Variants in TMEM121 observed in about 807,000 individuals in gnomAD.
The protein encoded by TMEM121 is transmembrane protein 121, also known as transmembrane protein 121A.
Under a neutral mutation model 16.4 loss-of-function variants are expected in TMEM121, and 8 were observed. The observed-to-expected ratio is 0.49, with a 90% CI of 0.29 to 0.88. The LOEUF is 0.88. TMEM121 is among the 40% of genes least tolerant of loss of function. TMEM121 has a pLI of 0.09. For synonymous variants in TMEM121, 235 were observed against 226.2 expected (o/e 1.04, Z -0.35); for missense variants, 401 against 462.0 (o/e 0.87, Z 1.21).
In TMEM121 at chr14:105,529,040, C is replaced by A; in HGVS notation, c.206C>A (p.Thr69Lys). The A allele has an allele frequency of 6.2e-7, 1 of 1,612,304 alleles. No individual in the cohort carries two copies. Among genetic ancestry groups the A allele is most frequent in the Middle Eastern group, 1.7e-4 (1 of 6,060 alleles). Residue 69 changes from threonine to lysine, a missense_variant, in exon 2 of 2, where the codon ACG (threonine) becomes AAG (lysine). Physicochemically the swap from Thr to Lys is moderately conservative, Grantham distance 78. Transcript: ENST00000392519. ...GTGTGGGTGGGCGCCGAGGTGCGCA[C>A]GGCCAAGCGCGGCTACGCCATGATC... is the stretch of plus-strand genomic sequence containing the variant. ...VAVWVGAEVR[T>K]AKRGYAMILW...
chr14:105,529,871 G>T lies in TMEM121; in HGVS notation c.*77G>T. On this transcript the variant is annotated 3_prime_UTR_variant, in exon 2 of 2. Transcript: ENST00000392519. ...GGCTTGGGGCGCGCGGTTTGCATGG[G>T]ATGGGGTGGGGGCGGGCTCCCCTAG... 7.7e-6 allele frequency: 10 copies of T among 1,298,376 alleles called. No homozygotes were observed. The highest frequency in any genetic ancestry group is 1.0e-5 in the Non-Finnish European group (10 of 1,002,924). 80.4% of individuals were successfully genotyped at this position (1,298,376 alleles called of 1,614,324 possible). A position where few individuals can be genotyped will look rare whatever the true frequency, so the allele number is the denominator to read the frequency against.
intron 1 of TMEM121, among the ~76,000 whole-genome samples, chr14:105,527,816 G>C (rs2084601316): frequency 6.6e-6 from 1 of 151,944 alleles, no homozygotes; most frequent in Non-Finnish European, 1.5e-5. Context: ...GCGGGTGTGC[G>C]GGCCTCCATT....
chr14:105,529,048 C>T lies in TMEM121; in HGVS notation c.214C>T (p.Arg72Cys). The T allele has an allele frequency of 1.9e-6, 3 of 1,612,376 alleles. No homozygotes were observed. Among genetic ancestry groups the T allele is most frequent in the Non-Finnish European group, 2.5e-6 (3 of 1,179,774 alleles). Residue 72 changes from arginine (R) to cysteine (C), a missense_variant, in exon 2 of 2, where the codon CGC becomes TGC. Coordinates refer to ENST00000392519, the MANE Select transcript of TMEM121 (RefSeq NM_025268.4). ...GGGCGCCGAGGTGCGCACGGCCAAG[C>T]GCGGCTACGCCATGATCCTGTGGTT... ...WVGAEVRTAK[R>C]GYAMILWFLY...
Position 105,526,841 on chromosome 14 carries a change from G to A in TMEM121, c.-114+188G>A, listed in dbSNP as rs1251329365. Among the ~76,000 whole-genome samples the A allele has an allele frequency of 1.3e-5, 2 of 151,906 alleles. No individual in the cohort carries two copies. The highest frequency in any genetic ancestry group is 2.9e-5 in the Non-Finnish European group (2 of 67,882). ...CGGCCCTGCGTGGGGAAGCCTCGGG[G>A]GGACAAGCAGAGACGCAGCCTGCTG... On this transcript the variant is annotated intron_variant, in intron 1 of 1. Coordinates refer to ENST00000392519, the MANE Select transcript of TMEM121 (RefSeq NM_025268.4). The surrounding 1 kb of genome is among the most constrained non-coding windows in gnomAD (Gnocchi z 6.8).
Position 105,529,764 on chromosome 14 carries a change from C to G in TMEM121, c.930C>G (p.Ser310=). The G allele has an allele frequency of 6.7e-7, 1 of 1,488,792 alleles. No individual in the cohort carries two copies. Among genetic ancestry groups the G allele is most frequent in the Non-Finnish European group, 8.9e-7 (1 of 1,129,524 alleles). The allele number at this position is 1,488,792 out of a possible 1,614,324, so 92.2% of individuals were successfully genotyped here. Residue 310 remains serine, a synonymous_variant, in exon 2 of 2, where the codon TCC becomes TCG. Transcript: ENST00000392519. ...GCCCGCCTGGGCGCCCCCACATGTC[C>G]TCGCCCACGCGTGACCCCCTGGACA... The part of the protein sequence containing the change: ...LHGPPGRPHM[S]SPTRDPLDT
chr14:105,529,729 C>T lies in TMEM121; in HGVS notation c.895C>T (p.Pro299Ser), dbSNP rs1198883472. 5.3e-6 allele frequency: 8 copies of T among 1,522,436 alleles called. No homozygotes were observed. Among genetic ancestry groups the T allele is most frequent in the Non-Finnish European group, 5.3e-6 (6 of 1,141,448 alleles). 94.3% of individuals were successfully genotyped at this position (1,522,436 alleles called of 1,614,324 possible). A position where few individuals can be genotyped will look rare whatever the true frequency, so the allele number is the denominator to read the frequency against. Residue 299 changes from proline (P) to serine (S), a missense_variant, in exon 2 of 2, where the codon CCG becomes TCG. Coordinates refer to ENST00000392519, the MANE Select transcript of TMEM121 (RefSeq NM_025268.4). ...QRNSVPPPPP[P>S]LHGPPGRPHM... Reference sequence around the variant, plus strand: ...CAACTCGGTGCCGCCGCCGCCGCCGCCGCTGCACGGCCCGCCTGGGCGCCC... The same window carrying T: ...CAACTCGGTGCCGCCGCCGCCGCCGTCGCTGCACGGCCCGCCTGGGCGCCC...
Position 105,526,656 on chromosome 14 carries a change from A to AGGCGCG in TMEM121, c.-114+14_-114+19dup, listed in dbSNP as rs1365191671. On this transcript the variant is annotated splice_donor_region_variant and intron_variant, in intron 1 of 1. Transcript: ENST00000392519. The surrounding 1 kb of genome is among the most constrained non-coding windows in gnomAD (Gnocchi z 6.8). ...GCGCAGCATCTGCGGGCGGCGGGGT[A>AGGCGCG]GGCGCGGGCGCGGGCGGGACTGGCT... is the stretch of plus-strand genomic sequence containing the variant. 1 of 124,572 alleles carries AGGCGCG rather than the reference A, an allele frequency of 8.0e-6. No homozygotes were observed. Among genetic ancestry groups the AGGCGCG allele is most frequent in the South Asian group, 2.2e-4 (1 of 4,488 alleles). The allele number at this position is 124,572 out of a possible 1,614,324, so 7.7% of individuals were successfully genotyped here. A position where few individuals can be genotyped will look rare whatever the true frequency, so the allele number is the denominator to read the frequency against.
intron 1 of TMEM121, 27 bp from the exon 2 acceptor site, chr14:105,528,695 T>A: frequency 8.3e-6 from 7 of 842,526 alleles, no homozygotes; most frequent in East Asian, 1.2e-4. Flanking sequence ...GCCCGCACCC[T>A]GATCTTGTCT....
At position 105,530,091 on chromosome 14, in the gene TMEM121, G is replaced by A. The variant is rs2084632177; in HGVS notation, c.*297G>A. On this transcript the variant is annotated 3_prime_UTR_variant, in exon 2 of 2. Transcript: ENST00000392519. Reference sequence around the variant, plus strand: ...CTGGGCCGCCCGGGTTGGAAGGGAGGGCAGTGTGGGCGGAGATCTGCTCCT... The same window carrying A: ...CTGGGCCGCCCGGGTTGGAAGGGAGAGCAGTGTGGGCGGAGATCTGCTCCT... 2 of 396,464 alleles carry A rather than the reference G, an allele frequency of 5.0e-6. No individual in the cohort carries two copies. The highest frequency in any genetic ancestry group is 9.1e-6 in the Non-Finnish European group (2 of 219,202). The allele number at this position is 396,464 out of a possible 1,614,324, so 24.6% of individuals were successfully genotyped here. A position where few individuals can be genotyped will look rare whatever the true frequency, so the allele number is the denominator to read the frequency against.
Position 105,530,166 on chromosome 14 carries a change from T to C in TMEM121, c.*372T>C. On this transcript the variant is annotated 3_prime_UTR_variant, in exon 2 of 2. Coordinates refer to ENST00000392519, the MANE Select transcript of TMEM121 (RefSeq NM_025268.4). ...TTGGGGCCAAGGAGGCCTCTGTCAT[T>C]TTAAAGACTCGTGTTTACAGTTTTG... The C allele has an allele frequency of 3.9e-6, 1 of 255,268 alleles. No homozygotes were observed. Among genetic ancestry groups the C allele is most frequent in the Non-Finnish European group, 7.4e-6 (1 of 134,450 alleles). The allele number at this position is 255,268 out of a possible 1,614,324, so 15.8% of individuals were successfully genotyped here. A position where few individuals can be genotyped will look rare whatever the true frequency, so the allele number is the denominator to read the frequency against.
rs1299522418 is a variant in TMEM121 at position 105,526,630 on chromosome 14, G to A, written c.-137G>A. 1 of 147,934 alleles carries A rather than the reference G, an allele frequency of 6.8e-6. No individual in the cohort carries two copies. The highest frequency in any genetic ancestry group is 1.5e-5 in the Non-Finnish European group (1 of 66,046). The allele number at this position is 147,934 out of a possible 1,614,324, so 9.2% of individuals were successfully genotyped here. A position where few individuals can be genotyped will look rare whatever the true frequency, so the allele number is the denominator to read the frequency against. On this transcript the variant is annotated 5_prime_UTR_variant, in exon 1 of 2. Coordinates refer to ENST00000392519, the MANE Select transcript of TMEM121 (RefSeq NM_025268.4). The surrounding 1 kb of genome is among the most constrained non-coding windows in gnomAD (Gnocchi z 6.8). The stretch of plus-strand genomic sequence containing the variant: ...AGGCTGGGCGGGCGGGCCCGGGAGC[G>A]GCGCAGCATCTGCGGGCGGCGGGGT...
At position 105,529,114 on chromosome 14, in the gene TMEM121, T is replaced by C. The variant is rs2084615028; in HGVS notation, c.280T>C (p.Phe94Leu). The change falls in exon 2 of 2, where the codon TTC becomes CTC. Residue 94 changes from phenylalanine (F) to leucine (L), a missense_variant. Phe to Leu is a conservative substitution (Grantham distance 22). Coordinates refer to ENST00000392519, the MANE Select transcript of TMEM121 (RefSeq NM_025268.4). ...GCTGGAGATCAAGCTCTACTTCATC[T>C]TCCAGAACTACAAGGCGGCGCGGCG... ...FVLEIKLYFI[F>L]QNYKAARRGA... is the part of the protein sequence containing the mutation. 1 of 1,610,830 alleles carries C rather than the reference T, an allele frequency of 6.2e-7. No individual in the cohort carries two copies. Among genetic ancestry groups the C allele is most frequent in the South Asian group, 1.1e-5 (1 of 91,034 alleles).
At chr14:105,528,090 C>T (rs2084603587) in intron 1 of TMEM121, among the ~76,000 whole-genome samples, 1 of 151,680 alleles carries the variant, frequency 6.6e-6, no homozygotes, top group African/African-American at 2.4e-5. Flanking sequence ...GCAGTGGCCA[C>T]GCGCCCAGGA....
rs1555444314 is a variant in TMEM121 at position 105,529,636 on chromosome 14, C to T, written c.802C>T (p.Arg268Cys). 5 of 1,579,910 alleles carry T rather than the reference C, an allele frequency of 3.2e-6. No homozygotes were observed. In the Admixed American group the frequency reaches 7.0e-5, roughly 22 times the overall value. The change falls in exon 2 of 2, where the codon CGC becomes TGC. Residue 268 changes from arginine (R) to cysteine (C), a missense_variant. Physicochemically the swap from Arg to Cys is radical, Grantham distance 180 (BLOSUM62 -3). Transcript: ENST00000392519. ...ATKACTFLEY[R>C]RQVRDFPPPA... ...CAAGGCCTGCACCTTCCTGGAGTAC[C>T]GCCGCCAGGTGCGCGACTTCCCGCC...
Position 105,529,131 on chromosome 14 carries a change from G to A in TMEM121, c.297G>A (p.Ala99=), listed in dbSNP as rs782122861. 25 of 1,601,874 alleles carry A rather than the reference G, an allele frequency of 1.6e-5. No individual in the cohort carries two copies. Among genetic ancestry groups the A allele is most frequent in the Non-Finnish European group, 2.0e-5 (24 of 1,176,302 alleles). Residue 99 remains alanine, a synonymous_variant, in exon 2 of 2, where the codon GCG becomes GCA. Coordinates refer to ENST00000392519, the MANE Select transcript of TMEM121 (RefSeq NM_025268.4). ...KLYFIFQNYK[A]ARRGAADPVA... ...ACTTCATCTTCCAGAACTACAAGGC[G>A]GCGCGGCGCGGCGCGGCGGACCCCG...
chr14:105,527,212 G>A (rs1475987310), intron 1 of TMEM121: 5 of 152,292 alleles, frequency 3.3e-5, no homozygotes, highest in African/African-American at 1.2e-4. Context: ...TCTGCCAAGT[G>A]ACTGAGGATC....
Position 105,529,377 on chromosome 14 carries a change from C to T in TMEM121, c.543C>T (p.Gly181=). The change falls in exon 2 of 2, where the codon GGC becomes GGT. Residue 181 remains glycine (G), a synonymous_variant. Coordinates refer to ENST00000392519, the MANE Select transcript of TMEM121 (RefSeq NM_025268.4). ...PRSGLPLWAE[G]LTFFYCYMLL... ...CCGGGCTGCCGCTGTGGGCCGAGGG[C>T]CTCACCTTCTTCTACTGCTACATGC... 1 of 1,542,484 alleles carries T rather than the reference C, an allele frequency of 6.5e-7. No individual in the cohort carries two copies. The highest frequency in any genetic ancestry group is 8.7e-7 in the Non-Finnish European group (1 of 1,146,762).
Position 105,529,143 on chromosome 14 carries a change from C to T in TMEM121, c.309C>T (p.Gly103=), listed in dbSNP as rs781798639. The T allele has an allele frequency of 3.1e-6, 5 of 1,601,932 alleles. No homozygotes were observed. Among genetic ancestry groups the T allele is most frequent in the Non-Finnish European group, 4.3e-6 (5 of 1,176,282 alleles). ...IFQNYKAARR[G]AADPVARKAL... ...AGAACTACAAGGCGGCGCGGCGCGGCGCGGCGGACCCCGTGGCGCGCAAGG... is the reference window on the plus strand; with the variant it reads ...AGAACTACAAGGCGGCGCGGCGCGGTGCGGCGGACCCCGTGGCGCGCAAGG... Residue 103 remains glycine (G), a synonymous_variant, in exon 2 of 2, where the codon GGC becomes GGT. Coordinates refer to ENST00000392519, the MANE Select transcript of TMEM121 (RefSeq NM_025268.4).
At chr14:105,528,004 AG>A (rs1432900582) in intron 1 of TMEM121, among the ~76,000 whole-genome samples, 2 of 149,256 alleles carry the variant, frequency 1.3e-5, no homozygotes, top group Non-Finnish European at 2.9e-5. Context: ...GGAGCAAAGC[AG>A]GGTGGCTCTG....
Sources: gnomAD v4.1 joint callset for allele counts (sites outside exome capture counted in the v4.1 genomes callset) on GRCh38, gnomAD v4.1.1 for gene constraint, Gnocchi (gnomAD v3.1) non-coding constraint, MANE v1.5 for transcripts, NCBI Gene and HGNC (gene_info 2026-07-23, HGNC 2026-07-21) for gene names.